The following ZMYM2 variants were observed in gnomAD, a reference collection of about 807,000 sequenced individuals.
ZMYM2 encodes the protein zinc finger MYM-type containing 2, also known as zinc finger MYM-type protein 2.
Under a neutral mutation model 162.8 loss-of-function variants are expected in ZMYM2, and 56 were observed. The ratio of observed to expected loss-of-function variants is 0.34; its 90% CI spans 0.28 to 0.43. The LOEUF is 0.43. ZMYM2 is among the 20% of genes least tolerant of loss of function. The pLI is 1.00. For missense variants in ZMYM2, 1,275 were observed against 1,621.8 expected (o/e 0.79, Z 3.67); for synonymous variants, 510 against 541.6 (o/e 0.94, Z 0.81).
chr13:19,908,609 T>C, the ZMYM2 span, among the ~76,000 whole-genome samples: 1 of 152,214 alleles, frequency 6.6e-6, no homozygotes, highest in East Asian at 1.9e-4. Flanking sequence ...ACCTAATAGT[T>C]GCTGATCATT....
At chr13:19,881,755 A>G in the ZMYM2 span, among the ~76,000 whole-genome samples, 1 of 152,110 alleles carries the variant, frequency 6.6e-6, no homozygotes, top group African/African-American at 2.4e-5. Context: ...TGGCCGAGGC[A>G]GGTGGATCAC....
At chr13:19,916,837 T>G in the ZMYM2 span, among the ~76,000 whole-genome samples, 1 of 152,190 alleles carries the variant, frequency 6.6e-6, no homozygotes, top group Non-Finnish European at 1.5e-5. Context: ...GTTGTGCACA[T>G]GTACCCTAGA....
chr13:19,974,119 A>T (rs936135382), intron 2 of ZMYM2, among the ~76,000 whole-genome samples: 3 of 152,222 alleles, frequency 2.0e-5, no homozygotes, highest in African/African-American at 7.2e-5. Flanking sequence ...TGCATATGAT[A>T]CCAACTTTAA....
intron 9 of ZMYM2, among the ~76,000 whole-genome samples, chr13:20,029,997 A>G (rs560215840): frequency 6.6e-6 from 1 of 151,572 alleles, no homozygotes; most frequent in African/African-American, 2.4e-5. Context: ...CTTTCGCCAC[A>G]TTGGCCAGGC....
the ZMYM2 span, among the ~76,000 whole-genome samples, chr13:19,880,891 G>C: frequency 7.1e-6 from 1 of 141,070 alleles, no homozygotes; most frequent in Non-Finnish European, 1.6e-5. Flanking sequence ...TTTTTGTTTT[G>C]TTTTTTGTTT....
chr13:19,968,992 G>T (rs1956059415), intron 2 of ZMYM2, among the ~76,000 whole-genome samples: 1 of 152,132 alleles, frequency 6.6e-6, no homozygotes, highest in Admixed American at 6.5e-5. Flanking sequence ...ACTTCTTAAA[G>T]AATATTTTGG....
chr13:19,923,806 G>A, the ZMYM2 span, among the ~76,000 whole-genome samples: 1 of 151,466 alleles, frequency 6.6e-6, no homozygotes, highest in South Asian at 2.1e-4. Context: ...GAGTAGCTGG[G>A]ATTACAGGTA....
intron 2 of ZMYM2, among the ~76,000 whole-genome samples, chr13:19,989,656 G>C (rs1949447247): frequency 6.6e-6 from 1 of 152,090 alleles, no homozygotes; most frequent in Admixed American, 6.5e-5. Context: ...TATCCTTTGT[G>C]TTGCAAATAA....
chr13:19,964,134 T>C (rs1003227342), intron 2 of ZMYM2, among the ~76,000 whole-genome samples: 2 of 151,806 alleles, frequency 1.3e-5, no homozygotes, highest in Non-Finnish European at 2.9e-5. Flanking sequence ...ATCTTAGCTT[T>C]GGGAGACTGA....
At chr13:19,942,955 C>T in the ZMYM2 span, among the ~76,000 whole-genome samples, 7 of 152,120 alleles carry the variant, frequency 4.6e-5, no homozygotes, top group African/African-American at 1.7e-4. Flanking sequence ...GTTCGTAGGG[C>T]TGCCATCACA....
chr13:20,067,317 A>C lies in ZMYM2; in HGVS notation c.3380A>C (p.Asn1127Thr). Residue 1127 changes from asparagine (N) to threonine (T), a missense_variant, in exon 21 of 25, where the codon AAT (asparagine) becomes ACT (threonine). Asn to Thr is a moderately conservative substitution (Grantham distance 65, BLOSUM62 0). This residue lies in a region of ZMYM2 where 229 missense variants were observed against 283.8 expected (regional missense o/e 0.81). Transcript: ENST00000610343. ...AACTATGGGTTAGCTCATTTTGTCA[A>C]TGAGATCCGACGGCCAAATGGAGAG... ...ELNYGLAHFVNEIRRPNGENY... is the reference protein window; with the variant it reads ...ELNYGLAHFVTEIRRPNGENY... 1.2e-6 allele frequency: 2 copies of C among 1,607,732 alleles called. No individual in the cohort carries two copies. Among genetic ancestry groups the C allele is most frequent in the Non-Finnish European group, 1.7e-6 (2 of 1,176,922 alleles).
At chr13:20,058,941 A>G in intron 15 of ZMYM2, 2 of 617,092 alleles carry the variant, frequency 3.2e-6, no homozygotes, top group Non-Finnish European at 5.8e-6. Flanking sequence ...AAGTGAAAAA[A>G]TACTATCTCG....
At chr13:20,057,321 A>G (rs993554090) in intron 14 of ZMYM2, among the ~76,000 whole-genome samples, 7 of 151,982 alleles carry the variant, frequency 4.6e-5, no homozygotes, top group African/African-American at 1.4e-4. Flanking sequence ...TATTTTTAGT[A>G]GAGATGGAGT....
chr13:19,952,502 A>G, the ZMYM2 span, among the ~76,000 whole-genome samples: 2 of 152,020 alleles, frequency 1.3e-5, no homozygotes, highest in Admixed American at 6.6e-5. Context: ...TACACTAAAT[A>G]TATTCAATTT....
intron 21 of ZMYM2, among the ~76,000 whole-genome samples, chr13:20,075,839 C>T (rs1957458539): frequency 6.6e-6 from 1 of 151,866 alleles, no homozygotes; most frequent in East Asian, 1.9e-4. Flanking sequence ...AATGAGCCAC[C>T]ATTCCTGGCT....
At chr13:19,990,255 A>C (rs1355118885) in intron 2 of ZMYM2, among the ~76,000 whole-genome samples, 5 of 152,194 alleles carry the variant, frequency 3.3e-5, no homozygotes, top group African/African-American at 1.2e-4. Context: ...GTGCTCTGTA[A>C]ATCTGTTAAA....
At chr13:20,047,208 A>T (rs568546544) in intron 12 of ZMYM2, among the ~76,000 whole-genome samples, 1 of 152,216 alleles carries the variant, frequency 6.6e-6, no homozygotes, top group Admixed American at 6.5e-5. Flanking sequence ...GCCTGCAGCC[A>T]TTATTGTAAT....
At chr13:19,960,674 A>G (rs1955110971) in intron 2 of ZMYM2, among the ~76,000 whole-genome samples, 1 of 152,180 alleles carries the variant, frequency 6.6e-6, no homozygotes, top group South Asian at 2.1e-4. Context: ...CTTAACGATC[A>G]TTTTTGAATG....
chr13:20,065,569 T>A (rs1956611031), intron 19 of ZMYM2, among the ~76,000 whole-genome samples: 1 of 152,148 alleles, frequency 6.6e-6, no homozygotes, highest in African/African-American at 2.4e-5. Flanking sequence ...TCAGGAAGGC[T>A]GAGGCGGGAA....
Sources: allele counts gnomAD v4.1 joint callset (sites outside exome capture counted in the v4.1 genomes callset), GRCh38; gene constraint gnomAD v4.1.1; regional missense constraint gnomAD v4.1.1; transcripts MANE v1.5; gene names NCBI Gene and HGNC (gene_info 2026-07-23, HGNC 2026-07-21).